Variants in FNTA observed in about 807,000 individuals in gnomAD.
FNTA encodes the protein farnesyltransferase, CAAX box, subunit alpha.
Under a neutral mutation model 55.2 loss-of-function variants are expected in FNTA, and 27 were observed. The ratio of observed to expected loss-of-function variants is 0.49; its 90% CI spans 0.36 to 0.67. The LOEUF (loss-of-function observed/expected upper bound fraction) is 0.67, where lower values mean the gene tolerates loss of function less well. Among genes scored for constraint, FNTA ranks in the 30% least tolerant of loss-of-function variants. The probability of loss-of-function intolerance (pLI) is 0.00; values close to 1 mark genes in which losing one functional copy is unlikely to be tolerated. For synonymous variants in FNTA, 176 were observed against 170.7 expected, an observed-to-expected ratio of 1.03 and a Z score of -0.24; for missense variants, 422 against 464.7, an observed-to-expected ratio of 0.91 and a Z score of 0.85.
intron 2 of FNTA, among the ~76,000 whole-genome samples, chr8:43,062,660 T>C (rs983752345): frequency 4.6e-5 from 7 of 152,228 alleles, no homozygotes; most frequent in African/African-American, 1.7e-4. Flanking sequence ...ATTGTTCATA[T>C]TCGTGTCTGA....
chr8:43,075,203 A>G (rs1007496533), intron 5 of FNTA, among the ~76,000 whole-genome samples: 6 of 152,202 alleles, frequency 3.9e-5, no homozygotes, highest in African/African-American at 1.2e-4. Flanking sequence ...TATCCTTAGC[A>G]TGCTGGAGAC....
chr8:43,084,098 C>T (rs559541783), intron 7 of FNTA, among the ~76,000 whole-genome samples: 2 of 151,970 alleles, frequency 1.3e-5, no homozygotes, highest in South Asian at 2.1e-4. Context: ...GAACATCTCT[C>T]CTGGTTTTGT....
intron 5 of FNTA, among the ~76,000 whole-genome samples, chr8:43,073,905 A>T (rs1810851723): frequency 6.6e-6 from 1 of 152,300 alleles, no homozygotes; most frequent in South Asian, 2.1e-4. Context: ...ATGGAAAACT[A>T]TTTTATTAAT....
chr8:43,061,199 A>G (rs1397631986), intron 2 of FNTA, among the ~76,000 whole-genome samples: 1 of 152,226 alleles, frequency 6.6e-6, no homozygotes, highest in South Asian at 2.1e-4. Context: ...TGGAAAATGC[A>G]CTTATCTTAC....
At chr8:43,073,862 T>C (rs1396791614) in intron 5 of FNTA, among the ~76,000 whole-genome samples, 1 of 152,332 alleles carries the variant, frequency 6.6e-6, no homozygotes. Flanking sequence ...CTTTCAGTAG[T>C]GTCAAAGCCA....
chr8:43,084,082 A>G (rs1811075912), intron 7 of FNTA, among the ~76,000 whole-genome samples: 1 of 152,118 alleles, frequency 6.6e-6, no homozygotes, highest in Non-Finnish European at 1.5e-5. Context: ...GAAAAAAAAA[A>G]AAGAAGAACA....
intron 2 of FNTA, among the ~76,000 whole-genome samples, chr8:43,063,730 CTT>C (rs1810588846): frequency 6.6e-6 from 1 of 152,006 alleles, no homozygotes. Flanking sequence ...AGTTTTCTGC[CTT>C]TGGGCATATT....
chr8:43,074,898 G>A (rs1283084797), intron 5 of FNTA, among the ~76,000 whole-genome samples: 1 of 152,142 alleles, frequency 6.6e-6, no homozygotes, highest in Non-Finnish European at 1.5e-5. Flanking sequence ...TCCTCCACCT[G>A]TCCCACATAC....
rs1318791791 is a variant in FNTA at position 43,085,350 on chromosome 8, G to A, written c.*68G>A. Reference sequence around the variant, plus strand: ...AAGGGACCCTGCAGGAGTTTCACACGAGAGTGGTCCTTCCCTTTGCCTGTG... The same window carrying A: ...AAGGGACCCTGCAGGAGTTTCACACAAGAGTGGTCCTTCCCTTTGCCTGTG... On this transcript the variant is annotated 3_prime_UTR_variant, in exon 9 of 9. Coordinates refer to ENST00000302279, the MANE Select transcript of FNTA (RefSeq NM_002027.3). 50 of 1,459,726 alleles carry A rather than the reference G, an allele frequency of 3.4e-5. No homozygotes were observed. The highest frequency in any genetic ancestry group is 1.8e-4 in the Admixed American group (9 of 49,610). 90.4% of individuals were successfully genotyped at this position (1,459,726 alleles called of 1,614,324 possible).
At chr8:43,073,611 T>G (rs1428869888) in intron 5 of FNTA, 1 of 152,152 alleles carries the variant, frequency 6.6e-6, no homozygotes, top group Non-Finnish European at 1.5e-5. Flanking sequence ...TGTGTGGCAC[T>G]TTCCTCTGGT....
chr8:43,074,393 C>T (rs1034526989), intron 5 of FNTA, among the ~76,000 whole-genome samples: 4 of 152,074 alleles, frequency 2.6e-5, no homozygotes, highest in South Asian at 2.1e-4. Context: ...AGCGTAGTGG[C>T]GCATGCTTGT....
intron 6 of FNTA, 53 bp downstream of exon 6, chr8:43,077,417 C>T: frequency 6.8e-7 from 1 of 1,462,696 alleles, no homozygotes; most frequent in African/African-American, 1.4e-5. Context: ...TGCATGCCTA[C>T]CATATCTCAG....
intron 3 of FNTA, among the ~76,000 whole-genome samples, chr8:43,066,830 A>G (rs1810672276): frequency 6.6e-6 from 1 of 152,104 alleles, no homozygotes; most frequent in African/African-American, 2.4e-5. Flanking sequence ...GTGAAATCTC[A>G]CTAGTCAGTA....
At chr8:43,064,881 A>T (rs1428555582) in intron 3 of FNTA, among the ~76,000 whole-genome samples, 3 of 146,936 alleles carry the variant, frequency 2.0e-5, no homozygotes, top group Non-Finnish European at 4.5e-5. Flanking sequence ...CTTTGTCACC[A>T]TCTGGAGTGC....
rs757067744 is a variant in FNTA at position 43,084,842 on chromosome 8, G to T, written c.978G>T (p.Gln326His). ...VDIYEDMLEN[Q>H]CDNKEDILNK... is the part of the protein sequence containing the mutation. ...TCTATGAAGACATGCTAGAAAATCAGTGTGACAATAAGGAAGACATTCTTA... is the reference window on the plus strand; with the variant it reads ...TCTATGAAGACATGCTAGAAAATCATTGTGACAATAAGGAAGACATTCTTA... Residue 326 changes from glutamine (Q) to histidine (H), a missense_variant, in exon 8 of 9, where the codon CAG (glutamine) becomes CAT (histidine). Physicochemically the swap from Gln to His is conservative, Grantham distance 24 (BLOSUM62 0). Transcript: ENST00000302279. The T allele has an allele frequency of 2.4e-5, 38 of 1,613,794 alleles. No homozygotes were observed. In the South Asian group the frequency reaches 4.1e-4, roughly 17 times the overall value.
intron 6 of FNTA, chr8:43,081,174 CT>C (rs1346417765): frequency 2.0e-5 from 3 of 151,846 alleles, no homozygotes; most frequent in Non-Finnish European, 4.4e-5. Context: ...GTACTAAATT[CT>C]ATAAAGTAAA....
chr8:43,071,536 G>A (rs1420128523), intron 4 of FNTA, among the ~76,000 whole-genome samples: 1 of 151,988 alleles, frequency 6.6e-6, no homozygotes, highest in East Asian at 1.9e-4. Flanking sequence ...GCCGGGCGTG[G>A]TGGCAGGCGC....
chr8:43,081,141 A>G (rs868481510), intron 6 of FNTA: 14 of 151,578 alleles, frequency 9.2e-5, no homozygotes, highest in African/African-American at 3.4e-4. Context: ...AAGTAATGCA[A>G]TGTAGTTATG....
At chr8:43,077,076 T>TG in intron 5 of FNTA, 140 bp from the exon 6 acceptor site, 1 of 506,338 alleles carries the variant, frequency 2.0e-6, no homozygotes, top group South Asian at 3.8e-5. Context: ...TTCCTTTACT[T>TG]GCAGCTATCA....
Sources: gnomAD v4.1 joint callset for allele counts (sites outside exome capture counted in the v4.1 genomes callset) on GRCh38, gnomAD v4.1.1 for gene constraint, MANE v1.5 for transcripts, NCBI Gene and HGNC (gene_info 2026-07-23, HGNC 2026-07-21) for gene names.